The following DAP variants were observed in gnomAD, a reference collection of about 807,000 sequenced individuals.
DAP encodes death-associated protein 1.
Under a neutral mutation model 13.8 loss-of-function variants are expected in DAP, and 8 were observed. The observed-to-expected ratio is 0.58, with a 90% CI of 0.34 to 1.05. The LOEUF is 1.05. Among genes scored for constraint, DAP ranks in the 50% least tolerant of loss-of-function variants. The pLI, the probability that DAP is intolerant of heterozygous loss-of-function variation, is 0.03. For synonymous variants in DAP, 47 were observed against 47.5 expected (o/e 0.99, Z 0.04); for missense variants, 106 against 133.2 (o/e 0.80, Z 1.01).
chr5:10,697,755 A>C lies in DAP; in HGVS notation c.153-14184T>G, dbSNP rs146944671. Reference sequence around the variant, plus strand: ...AGAAAGAAGTACACATTAATCCAATACAGACACCAAAAAACTCATCTGGTC... The same window carrying C: ...AGAAAGAAGTACACATTAATCCAATCCAGACACCAAAAAACTCATCTGGTC... On this transcript the variant is annotated intron_variant, in intron 2 of 3. Transcript: ENST00000230895. Among the ~76,000 whole-genome samples, 534 of 152,338 alleles carry C rather than the reference A, an allele frequency of 3.5e-3. 6 individuals are homozygous for C. The highest frequency in any genetic ancestry group is 5.9e-3 in the Non-Finnish European group (404 of 68,016).
intron 2 of DAP, among the ~76,000 whole-genome samples, chr5:10,747,249 G>A (rs1402345303): frequency 1.3e-5 from 2 of 152,232 alleles, no homozygotes; most frequent in East Asian, 1.9e-4. Context: ...CCGCAGAGGT[G>A]TGTTAGTGGT....
intron 1 of DAP, among the ~76,000 whole-genome samples, chr5:10,750,558 G>T (rs534003765): frequency 8.1e-4 from 124 of 152,286 alleles, no homozygotes; most frequent in African/African-American, 2.9e-3. Flanking sequence ...TCAAAAATCT[G>T]CTCTATATCC....
chr5:10,707,986 C>G lies in DAP; in HGVS notation c.153-24415G>C, dbSNP rs1738740166. Among the ~76,000 whole-genome samples the G allele has an allele frequency of 6.6e-6, 1 of 152,170 alleles. No individual in the cohort carries two copies. Among genetic ancestry groups the G allele is most frequent in the Non-Finnish European group, 1.5e-5 (1 of 68,036 alleles). The stretch of plus-strand genomic sequence containing the variant: ...TGGATGCTACACTGAAGAGCTGAAT[C>G]ATCCTTTAATATTAAGTACAAAGGA... On this transcript the variant is annotated intron_variant, in intron 2 of 3. Coordinates refer to ENST00000230895, the MANE Select transcript of DAP (RefSeq NM_004394.3). This position sits in a 1 kb window ranked among gnomAD's most constrained non-coding sequence, Gnocchi z 4.0.
intron 2 of DAP, 42 bp downstream of exon 2, chr5:10,748,133 G>A: frequency 7.2e-7 from 1 of 1,397,774 alleles, no homozygotes; most frequent in Non-Finnish European, 1.0e-6. Flanking sequence ...ACCGAATAGG[G>A]TTTTTGGAAA....
intron 2 of DAP, among the ~76,000 whole-genome samples, chr5:10,689,879 A>C (rs1579785500): frequency 6.6e-6 from 1 of 152,244 alleles, no homozygotes; most frequent in South Asian, 2.1e-4. Flanking sequence ...GGGACAGGGA[A>C]TGTCACTCAG....
At chr5:10,747,199 A>G (rs2111383135) in intron 2 of DAP, among the ~76,000 whole-genome samples, 1 of 152,332 alleles carries the variant, frequency 6.6e-6, no homozygotes, top group Non-Finnish European at 1.5e-5. Context: ...CAGGCTGTAT[A>G]AGTAGAGAGC....
chr5:10,751,472 AG>A (rs1399450864), intron 1 of DAP, among the ~76,000 whole-genome samples: 1 of 152,190 alleles, frequency 6.6e-6, no homozygotes, highest in East Asian at 1.9e-4. Flanking sequence ...GGAAGAGCTT[AG>A]AAGAACTGTC....
intron 1 of DAP, among the ~76,000 whole-genome samples, chr5:10,751,335 C>A (rs1386644450): frequency 1.3e-5 from 2 of 152,142 alleles, no homozygotes; most frequent in Non-Finnish European, 2.9e-5. Flanking sequence ...AAAGATTTCC[C>A]AGCCTACGTA....
At chr5:10,758,661 C>T (rs561388907) in intron 1 of DAP, among the ~76,000 whole-genome samples, 1 of 152,296 alleles carries the variant, frequency 6.6e-6, no homozygotes, top group East Asian at 1.9e-4. Flanking sequence ...CTGTGACTTG[C>T]CCCGAGGCCC....
chr5:10,683,461 A>C (rs986107689), intron 3 of DAP, 68 bp downstream of exon 3: 1 of 1,460,510 alleles, frequency 6.8e-7, no homozygotes, highest in South Asian at 1.1e-5. Context: ...ACAAAACCAG[A>C]AGCAACCAGG....
At chr5:10,731,299 G>A (rs1739454650) in intron 2 of DAP, among the ~76,000 whole-genome samples, 1 of 152,122 alleles carries the variant, frequency 6.6e-6, no homozygotes, top group Non-Finnish European at 1.5e-5. Context: ...CCCTGGTGGG[G>A]AGAATCTTTC....
rs1738723965 is a variant in DAP, at chr5:10,707,394, T to C, written c.153-23823A>G. Among the ~76,000 whole-genome samples, 1 of 152,180 alleles carries C rather than the reference T, an allele frequency of 6.6e-6. No individual in the cohort carries two copies. The highest frequency in any genetic ancestry group is 2.1e-4 in the South Asian group (1 of 4,832). On this transcript the variant is annotated intron_variant, in intron 2 of 3. Transcript: ENST00000230895. The surrounding 1 kb of genome is among the most constrained non-coding windows in gnomAD (Gnocchi z 4.0). ...AGCACAAACTTGAGTAATTTAAAGA[T>C]TCATATTCAAAACCCCGTAACAATG...
chr5:10,681,185 G>A lies in DAP; in HGVS notation c.196-16C>T, dbSNP rs1737981682. The A allele has an allele frequency of 1.4e-6, 2 of 1,478,032 alleles. No individual in the cohort carries two copies. The highest frequency in any genetic ancestry group is 1.8e-6 in the Non-Finnish European group (2 of 1,113,858). The allele number at this position is 1,478,032 out of a possible 1,614,324, so 91.6% of individuals were successfully genotyped here. A position where few individuals can be genotyped will look rare whatever the true frequency, so the allele number is the denominator to read the frequency against. On this transcript the variant is annotated splice_polypyrimidine_tract_variant and intron_variant, in intron 3 of 3. Coordinates refer to ENST00000230895, the MANE Select transcript of DAP (RefSeq NM_004394.3). ...CTTTGTCACCCTGTCAGGAAACACGGAAAGCTCAGGTTAATCAATAGGAAG... is the reference window on the plus strand; with the variant it reads ...CTTTGTCACCCTGTCAGGAAACACGAAAAGCTCAGGTTAATCAATAGGAAG...
intron 2 of DAP, among the ~76,000 whole-genome samples, chr5:10,715,060 T>C (rs1738948154): frequency 6.6e-6 from 1 of 152,146 alleles, no homozygotes; most frequent in African/African-American, 2.4e-5. Flanking sequence ...TATACAGATA[T>C]GCACGCCATA....
At position 10,684,207 on chromosome 5, in the gene DAP, G is replaced by A. The variant is rs146204891; in HGVS notation, c.153-636C>T. Among the ~76,000 whole-genome samples, 763 of 152,308 alleles carry A rather than the reference G, an allele frequency of 5.0e-3. 5 individuals are homozygous for A. The highest frequency in any genetic ancestry group is 0.017 in the African/African-American group (719 of 41,562). ...GATTTAATGAGATCGTGAAACAGGC[G>A]CTTCCCTAAAGCAGGGGAGAAGTAG... On this transcript the variant is annotated intron_variant, in intron 2 of 3. Transcript: ENST00000230895.
chr5:10,710,340 A>G (rs961969229), intron 2 of DAP, among the ~76,000 whole-genome samples: 1 of 152,218 alleles, frequency 6.6e-6, no homozygotes, highest in East Asian at 1.9e-4. Context: ...AGGGAGTTGC[A>G]GTTATCTGAC....
chr5:10,755,794 G>C (rs1740168070), intron 1 of DAP, among the ~76,000 whole-genome samples: 1 of 152,200 alleles, frequency 6.6e-6, no homozygotes, highest in African/African-American at 2.4e-5. Context: ...GAATGCACAG[G>C]GCACTGGCCG....
Position 10,709,011 on chromosome 5 carries a change from C to T in DAP, c.153-25440G>A, listed in dbSNP as rs188283112. On this transcript the variant is annotated intron_variant, in intron 2 of 3. Transcript: ENST00000230895. Reference sequence around the variant, plus strand: ...ACCCTCAATCTACAAATAATTGATACGTTCATTACAAGTAATCCTCCTTTG... The same window carrying T: ...ACCCTCAATCTACAAATAATTGATATGTTCATTACAAGTAATCCTCCTTTG... Among the ~76,000 whole-genome samples, 21 of 152,328 alleles carry T rather than the reference C, an allele frequency of 1.4e-4. No homozygotes were observed. The East Asian group carries it at 1.7e-3, about 13-fold the overall frequency.
In DAP at chr5:10,761,065, A is replaced by G. The variant is rs776377093; in HGVS notation, c.4T>C (p.Ser2Pro). Residue 2 changes from serine (S) to proline (P), a missense_variant, in exon 1 of 4, where the codon TCT (serine) becomes CCT (proline). By Grantham distance (74) the Ser-to-Pro change is moderately conservative (BLOSUM62 -1). Coordinates refer to ENST00000230895, the MANE Select transcript of DAP (RefSeq NM_004394.3). ...TCTAGTTTCCCTTCGGGAGGCGAAG[A>G]CATGACGCGGCGGGGCTTCCGCGGG... M[S>P]SPPEGKLETK... is the part of the protein sequence containing the mutation. 13 of 1,225,008 alleles carry G rather than the reference A, an allele frequency of 1.1e-5. No homozygotes were observed. Among genetic ancestry groups the G allele is most frequent in the Middle Eastern group, 3.3e-4 (1 of 3,016 alleles). The allele number at this position is 1,225,008 out of a possible 1,614,324, so 75.9% of individuals were successfully genotyped here. A position where few individuals can be genotyped will look rare whatever the true frequency, so the allele number is the denominator to read the frequency against.
Sources: gnomAD v4.1 joint callset for allele counts (sites outside exome capture counted in the v4.1 genomes callset) on GRCh38, gnomAD v4.1.1 for gene constraint, Gnocchi (gnomAD v3.1) non-coding constraint, MANE v1.5 for transcripts, NCBI Gene and HGNC (gene_info 2026-07-23, HGNC 2026-07-21) for gene names.